HEMK2: variants seen among roughly 807,000 people sequenced by gnomAD.
HEMK2 encodes the protein methyltransferase HEMK2.
chr21:28,616,332 G>A, the HEMK2 span, among the ~76,000 whole-genome samples: 2 of 152,102 alleles, frequency 1.3e-5, no homozygotes, highest in Non-Finnish European at 2.9e-5. Context: ...GATATGACAA[G>A]ACTTGCCATT....
chr21:28,600,288 C>A, the HEMK2 span, among the ~76,000 whole-genome samples: 2 of 152,252 alleles, frequency 1.3e-5, no homozygotes. Context: ...GAAATCTAGG[C>A]AGAGGTTCCC....
chr21:28,817,271 T>A, the HEMK2 span, among the ~76,000 whole-genome samples: 1 of 152,136 alleles, frequency 6.6e-6, no homozygotes, highest in Non-Finnish European at 1.5e-5. Context: ...ATGCAAGGAC[T>A]CAGAAAGCTT....
At chr21:28,625,161 T>C in the HEMK2 span, among the ~76,000 whole-genome samples, 2 of 152,270 alleles carry the variant, frequency 1.3e-5, no homozygotes, top group East Asian at 1.9e-4. Context: ...TAGAAAATGA[T>C]AAAAGGAGAG....
At chr21:28,823,075 G>A in the HEMK2 span, among the ~76,000 whole-genome samples, 1 of 152,172 alleles carries the variant, frequency 6.6e-6, no homozygotes, top group Admixed American at 6.5e-5. Context: ...GAAGAGAGAT[G>A]GCTATCAAGC....
At chr21:28,712,171 G>A in the HEMK2 span, among the ~76,000 whole-genome samples, 5 of 152,150 alleles carry the variant, frequency 3.3e-5, no homozygotes, top group East Asian at 9.7e-4. Flanking sequence ...CCTTTGAGAG[G>A]TCCCAGCAGA....
At chr21:28,672,312 T>C in the HEMK2 span, among the ~76,000 whole-genome samples, 1 of 152,006 alleles carries the variant, frequency 6.6e-6, no homozygotes, top group South Asian at 2.1e-4. Context: ...ATACTGCCTA[T>C]CACTGGGTGT....
chr21:28,708,004 G>C, the HEMK2 span, among the ~76,000 whole-genome samples: 1 of 152,180 alleles, frequency 6.6e-6, no homozygotes, highest in Non-Finnish European at 1.5e-5. Flanking sequence ...ACTTGGCTAG[G>C]AGGATTCCAG....
chr21:28,797,023 G>C, the HEMK2 span, among the ~76,000 whole-genome samples: 1 of 152,080 alleles, frequency 6.6e-6, no homozygotes, highest in Non-Finnish European at 1.5e-5. Context: ...TATTCCCTAG[G>C]CTGTTGGTTG....
the HEMK2 span, among the ~76,000 whole-genome samples, chr21:28,796,727 G>A: frequency 6.6e-6 from 1 of 151,990 alleles, no homozygotes; most frequent in Admixed American, 6.6e-5. Context: ...ACTATACTCA[G>A]CTAATTTTTA....
At chr21:28,885,366 G>A in the HEMK2 span, 1 of 1,529,410 alleles carries the variant, frequency 6.5e-7, no homozygotes, top group Non-Finnish European at 8.9e-7. Context: ...TGCGTTCCAT[G>A]CGCGTGCGCA....
the HEMK2 span, among the ~76,000 whole-genome samples, chr21:28,732,695 G>T: frequency 1.3e-5 from 2 of 152,170 alleles, no homozygotes; most frequent in African/African-American, 4.8e-5. Flanking sequence ...TTCCCAAGGA[G>T]ACGACAGAAA....
chr21:28,794,066 T>A, the HEMK2 span, among the ~76,000 whole-genome samples: 4 of 152,186 alleles, frequency 2.6e-5, no homozygotes, highest in African/African-American at 9.7e-5. Context: ...AGTAGTATGG[T>A]TTCCTCTTCC....
chr21:28,863,958 G>T, the HEMK2 span, among the ~76,000 whole-genome samples: 25 of 152,192 alleles, frequency 1.6e-4, no homozygotes, highest in Non-Finnish European at 3.2e-4. Flanking sequence ...CTCCCAAGTA[G>T]CTGGGACTAC....
chr21:28,616,986 T>C, the HEMK2 span, among the ~76,000 whole-genome samples: 2 of 152,228 alleles, frequency 1.3e-5, no homozygotes, highest in African/African-American at 2.4e-5. Context: ...CTTGCTATGA[T>C]AGAGCTTAGG....
At chr21:28,575,916 T>C in the HEMK2 span, among the ~76,000 whole-genome samples, 116 of 152,346 alleles carry the variant, frequency 7.6e-4, no homozygotes, top group African/African-American at 2.6e-3. Flanking sequence ...GTTCCACATA[T>C]AGGCAGCTTG....
At chr21:28,850,553 G>C in the HEMK2 span, among the ~76,000 whole-genome samples, 1 of 152,142 alleles carries the variant, frequency 6.6e-6, no homozygotes, top group Non-Finnish European at 1.5e-5. Context: ...ATTTTACATG[G>C]AGCCAAACTA....
the HEMK2 span, among the ~76,000 whole-genome samples, chr21:28,858,568 A>G: frequency 9.2e-5 from 14 of 151,358 alleles, no homozygotes; most frequent in South Asian, 4.2e-4. Context: ...GGAAAGGAGG[A>G]AGGGAGGGAG....
chr21:28,834,481 G>A, the HEMK2 span, among the ~76,000 whole-genome samples: 1 of 152,224 alleles, frequency 6.6e-6, no homozygotes, highest in Non-Finnish European at 1.5e-5. Flanking sequence ...AGGGGCAGAG[G>A]AAGTGGCAGA....
chr21:28,703,967 T>C, the HEMK2 span, among the ~76,000 whole-genome samples: 1 of 152,190 alleles, frequency 6.6e-6, no homozygotes, highest in Non-Finnish European at 1.5e-5. Context: ...GAAGCTTACT[T>C]GACTATGGTT....
Sources: gnomAD v4.1 joint callset for allele counts (sites outside exome capture counted in the v4.1 genomes callset) on GRCh38, gnomAD v4.1.1 for gene constraint, MANE v1.5 for transcripts, NCBI Gene and HGNC (gene_info 2026-07-23, HGNC 2026-07-21) for gene names.